KLHL1: variants seen among roughly 807,000 people sequenced by gnomAD.
The protein encoded by KLHL1 is kelch like family member 1, also known as kelch-like protein 1.
A neutral mutation model predicts 77.7 loss-of-function variants in KLHL1; 47 were observed. The observed-to-expected ratio is 0.60, with a 90% confidence interval of 0.48 to 0.77. The LOEUF (loss-of-function observed/expected upper bound fraction) is 0.77, where lower values mean the gene tolerates loss of function less well. Among genes scored for constraint, KLHL1 ranks in the 30% least tolerant of loss-of-function variants. The pLI, the probability that KLHL1 is intolerant of heterozygous loss-of-function variation, is 0.00. For synonymous variants in KLHL1, 360 were observed against 325.2 expected (o/e 1.11, Z -1.15); for missense variants, 925 against 910.8 (o/e 1.02, Z -0.20).
intron 6 of KLHL1, among the ~76,000 whole-genome samples, chr13:69,819,382 A>T (rs937604218): frequency 6.6e-6 from 1 of 152,234 alleles, no homozygotes; most frequent in African/African-American, 2.4e-5. Flanking sequence ...AAAATGATTC[A>T]ATAGAAAATC....
At chr13:69,828,405 C>A (rs74987709) in intron 6 of KLHL1, among the ~76,000 whole-genome samples, 2,406 of 150,126 alleles carry the variant, frequency 0.016, 245 homozygotes, top group African/African-American at 0.055. Flanking sequence ...CCCAGAGAAA[C>A]CATTTCTAAC....
intron 7 of KLHL1, among the ~76,000 whole-genome samples, chr13:69,775,561 A>T (rs1358054800): frequency 6.6e-6 from 1 of 152,230 alleles, no homozygotes; most frequent in African/African-American, 2.4e-5. Context: ...AGCTAGGGTT[A>T]TTGGAGTAAA....
chr13:69,923,657 A>G (rs919731630), intron 4 of KLHL1, among the ~76,000 whole-genome samples: 1 of 152,212 alleles, frequency 6.6e-6, no homozygotes, highest in African/African-American at 2.4e-5. Flanking sequence ...GAAAAATTAC[A>G]ATATAAGGAG....
At chr13:70,038,886 C>T (rs1436496027) in intron 1 of KLHL1, among the ~76,000 whole-genome samples, 2 of 151,980 alleles carry the variant, frequency 1.3e-5, no homozygotes, top group South Asian at 2.1e-4. Context: ...CCACTGCGCC[C>T]GGCCCTAAAG....
At chr13:69,885,097 C>T (rs1159179750) in intron 4 of KLHL1, among the ~76,000 whole-genome samples, 3 of 141,598 alleles carry the variant, frequency 2.1e-5, no homozygotes, top group East Asian at 2.0e-4. Context: ...CCCGCCACCA[C>T]GCCCGGCTAA....
chr13:69,985,748 G>C (rs937309154), intron 1 of KLHL1, among the ~76,000 whole-genome samples: 1 of 146,488 alleles, frequency 6.8e-6, no homozygotes. Flanking sequence ...TTCATCAAAG[G>C]CTAAATGGAT....
chr13:70,022,187 T>C (rs542626930), intron 1 of KLHL1, among the ~76,000 whole-genome samples: 9 of 152,088 alleles, frequency 5.9e-5, no homozygotes, highest in Admixed American at 2.6e-4. Context: ...TACTTTTCTT[T>C]AGATGCGGCT....
At chr13:69,967,885 CA>C (rs34910448) in intron 2 of KLHL1, among the ~76,000 whole-genome samples, 7,234 of 135,130 alleles carry the variant, frequency 0.054, 379 homozygotes, top group East Asian at 0.29. Flanking sequence ...GATGCTGAAT[CA>C]AAAAAAAAAA....
intron 7 of KLHL1, among the ~76,000 whole-genome samples, chr13:69,777,606 T>G (rs1875897360): frequency 6.6e-6 from 1 of 152,168 alleles, no homozygotes; most frequent in Non-Finnish European, 1.5e-5. Context: ...TTCACATTTG[T>G]GTTTTTACAC....
chr13:70,102,710 C>A (rs1056834057), intron 1 of KLHL1, among the ~76,000 whole-genome samples: 4 of 152,102 alleles, frequency 2.6e-5, no homozygotes, highest in African/African-American at 4.8e-5. Flanking sequence ...ATATTTCAGT[C>A]TTCTTATCTA....
chr13:70,088,171 C>G (rs1227115143), intron 1 of KLHL1, among the ~76,000 whole-genome samples: 2 of 151,962 alleles, frequency 1.3e-5, no homozygotes, highest in African/African-American at 4.8e-5. Context: ...TTTTTTCCAG[C>G]TTTATGGAAG....
intron 5 of KLHL1, among the ~76,000 whole-genome samples, chr13:69,847,750 T>G (rs2113363): frequency 0.044 from 6,627 of 151,504 alleles, 197 homozygotes; most frequent in African/African-American, 0.074. Flanking sequence ...AAAAATAAAC[T>G]CAGAATTTGA....
intron 4 of KLHL1, among the ~76,000 whole-genome samples, chr13:69,890,904 C>T (rs967597519): frequency 6.6e-6 from 1 of 151,962 alleles, no homozygotes; most frequent in Non-Finnish European, 1.5e-5. Context: ...CTTATATATA[C>T]AAACATATAC....
At chr13:69,755,837 T>G (rs112615834) in intron 7 of KLHL1, among the ~76,000 whole-genome samples, 5 of 152,046 alleles carry the variant, frequency 3.3e-5, no homozygotes, top group African/African-American at 1.2e-4. Flanking sequence ...AAATGAAACA[T>G]GTGGGTAGTG....
At chr13:69,816,038 A>G (rs1878107659) in intron 6 of KLHL1, among the ~76,000 whole-genome samples, 1 of 152,024 alleles carries the variant, frequency 6.6e-6, no homozygotes, top group South Asian at 2.1e-4. Flanking sequence ...TGCTAATTAC[A>G]TAAGCAGGCA....
chr13:69,858,767 G>T (rs930743383), intron 5 of KLHL1, among the ~76,000 whole-genome samples: 2 of 152,036 alleles, frequency 1.3e-5, no homozygotes, highest in Non-Finnish European at 2.9e-5. Flanking sequence ...TCAGCAGGAG[G>T]TCTTGCATAA....
intron 5 of KLHL1, among the ~76,000 whole-genome samples, chr13:69,843,577 T>A (rs1879347563): frequency 6.6e-6 from 1 of 151,784 alleles, no homozygotes; most frequent in South Asian, 2.1e-4. Flanking sequence ...AAAAATAATT[T>A]TAGCATAGTA....
intron 3 of KLHL1, among the ~76,000 whole-genome samples, chr13:69,956,674 T>C (rs1883897502): frequency 6.6e-6 from 1 of 151,528 alleles, no homozygotes; most frequent in African/African-American, 2.4e-5. Context: ...CAGCTTACTA[T>C]TGATCATTTC....
chr13:69,910,978 A>T (rs1882216990), intron 4 of KLHL1, among the ~76,000 whole-genome samples: 2 of 152,120 alleles, frequency 1.3e-5, no homozygotes. Flanking sequence ...GGCAAGAATA[A>T]TCTGCAGTAC....
Sources: allele counts gnomAD v4.1 joint callset (sites outside exome capture counted in the v4.1 genomes callset), GRCh38; gene constraint gnomAD v4.1.1; transcripts MANE v1.5; gene names NCBI Gene and HGNC (gene_info 2026-07-23, HGNC 2026-07-21).